PYGM: variants seen among roughly 807,000 people sequenced by gnomAD.
PYGM encodes glycogen phosphorylase, muscle form.
PYGM carries 81 observed loss-of-function variants against 99.3 expected under a neutral mutation model. The ratio of observed to expected loss-of-function variants is 0.82; its 90% confidence interval spans 0.68 to 0.98. The LOEUF (loss-of-function observed/expected upper bound fraction) is 0.98, where lower values mean the gene tolerates loss of function less well. Among genes scored for constraint, PYGM ranks in the 50% least tolerant of loss-of-function variants. The pLI, the probability that PYGM is intolerant of heterozygous loss-of-function variation, is 0.00. For synonymous variants in PYGM, 436 were observed against 451.5 expected, an observed-to-expected ratio of 0.97 and a Z score of 0.44; for missense variants, 1,030 against 1,158.1, an observed-to-expected ratio of 0.89 and a Z score of 1.61.
rs1555133248 is a variant in PYGM, at chr11:64,746,809, C to T, written c.2380-1G>A. The T allele has an allele frequency of 1.2e-6, 2 of 1,614,190 alleles. No individual in the cohort carries two copies. The highest frequency in any genetic ancestry group is 1.7e-6 in the Non-Finnish European group (2 of 1,180,024). ...CCATCCGCGTCCACTCTCTTGGGTT[C>T]TGCAGGTCAAAGGGAAGCTCTGGTT... On this transcript the variant is annotated splice_acceptor_variant, in intron 19 of 19. Coordinates refer to ENST00000164139, the MANE Select transcript of PYGM (RefSeq NM_005609.4). LOFTEE classifies it high-confidence loss of function.
rs1021120134 is a variant in PYGM at position 64,750,486 on chromosome 11, G to C, written c.2067C>G (p.Thr689=). The C allele has an allele frequency of 5.6e-6, 9 of 1,614,064 alleles. No homozygotes were observed. Among genetic ancestry groups the C allele is most frequent in the Non-Finnish European group, 7.6e-6 (9 of 1,180,044 alleles). Residue 689 remains threonine (T), a synonymous_variant, in exon 17 of 20, where the codon ACC becomes ACG. Transcript: ENST00000164139. ...NMKFMLNGAL[T]IGTMDGANVE... The stretch of plus-strand genomic sequence containing the variant: ...CATTGGCCCCGTCCATGGTGCCAAT[G>C]GTCAGAGCCCCGTTGAGCATGAACT...
At chr11:64,753,727 C>T in intron 10 of PYGM, 45 bp from the exon 11 acceptor site, 1 of 1,566,020 alleles carries the variant, frequency 6.4e-7, no homozygotes, top group Non-Finnish European at 8.6e-7. Flanking sequence ...CAGGAACCCC[C>T]ATCCCCAGTC....
Position 64,753,114 on chromosome 11 carries a change from G to T in PYGM, c.1477C>A (p.Leu493Met), listed in dbSNP as rs760721606. 1.2e-6 allele frequency: 2 copies of T among 1,613,972 alleles called. No individual in the cohort carries two copies. Among genetic ancestry groups the T allele is most frequent in the African/African-American group, 2.7e-5 (2 of 74,926 alleles). Residue 493 changes from leucine to methionine, a missense_variant, in exon 12 of 20, where the codon CTG (leucine) becomes ATG (methionine). Coordinates refer to ENST00000164139, the MANE Select transcript of PYGM (RefSeq NM_005609.4). ...GCCAGCCCGGGGTTACACAGAACCA[G>T]CCAGCGCCGAGGGGTGATGCCGTTG... ...KTNGITPRRWLVLCNPGLAEV... is the reference protein window; with the variant it reads ...KTNGITPRRWMVLCNPGLAEV...
Position 64,758,272 on chromosome 11 carries a change from T to G in PYGM, c.502A>C (p.Asn168His), listed in dbSNP as rs760531401. 134 of 1,613,782 alleles carry G rather than the reference T, an allele frequency of 8.3e-5. No homozygotes were observed. Among genetic ancestry groups the G allele is most frequent in the Non-Finnish European group, 1.1e-4 (132 of 1,179,874 alleles). Residue 168 changes from asparagine to histidine, a missense_variant, in exon 4 of 20, where the codon AAC becomes CAC. Asn to His is a moderately conservative substitution (Grantham distance 68). Coordinates refer to ENST00000164139, the MANE Select transcript of PYGM (RefSeq NM_005609.4). ...YGIRYEFGIF[N>H]QKISGGWQME... ...TGCCAGCCCCCGGAGATCTTCTGGT[T>G]AAAAATCCCAAACTCATAGCGAATC...
Position 64,754,025 on chromosome 11 carries a change from C to G in PYGM, c.1093G>C (p.Ala365Pro). The G allele has an allele frequency of 6.2e-7, 1 of 1,600,630 alleles. No individual in the cohort carries two copies. The highest frequency in any genetic ancestry group is 1.1e-5 in the South Asian group (1 of 89,210). Residue 365 changes from alanine (A) to proline (P), a missense_variant and splice_region_variant, in exon 10 of 20, where the codon GCG (alanine) becomes CCG (proline). By Grantham distance (27) the Ala-to-Pro change is conservative. Coordinates refer to ENST00000164139, the MANE Select transcript of PYGM (RefSeq NM_005609.4). The surrounding 1 kb of genome is among the most constrained non-coding windows in gnomAD (Gnocchi z 5.5). ...CAGGTCCTCACTGTCACATCCCACG[C>G]CTGGCACACGGGGTGGGCAGTCAGG... is the stretch of plus-strand genomic sequence containing the variant. ...VDLERMDWDK[A>P]WDVTVRTCAY...
At chr11:64,760,106 A>G, upstream of PYGM, 2 of 778,520 alleles carry the variant, frequency 2.6e-6, no homozygotes, top group African/African-American at 1.8e-5. Context: ...AGGAGAGGGG[A>G]GGGAGAGGTG....
rs1310457720 is a variant in PYGM, at chr11:64,754,237, G to C, written c.1092+16C>G. On this transcript the variant is annotated intron_variant, in intron 9 of 19. Transcript: ENST00000164139. The surrounding 1 kb of genome is among the most constrained non-coding windows in gnomAD (Gnocchi z 5.5). The stretch of plus-strand genomic sequence containing the variant: ...GCAGAGAGCATCAGATGGGGCAGAG[G>C]GGCCCTGAAGCCCACCTTGTCCCAG... 6.2e-7 allele frequency: 1 copy of C among 1,604,440 alleles called. No individual in the cohort carries two copies. The highest frequency in any genetic ancestry group is 1.1e-5 in the South Asian group (1 of 90,890).
chr11:64,747,574 G>A (rs1024749349), intron 17 of PYGM: 1 of 600,658 alleles, frequency 1.7e-6, no homozygotes, highest in Non-Finnish European at 2.9e-6. Context: ...GAGGCCCGGA[G>A]GATACAGAAA....
chr11:64,758,075 G>A (rs1376396065), intron 4 of PYGM, among the ~76,000 whole-genome samples, 165 bp from the exon 5 acceptor site: 2 of 152,034 alleles, frequency 1.3e-5, no homozygotes, highest in South Asian at 2.1e-4. Context: ...AGTGGGACAC[G>A]GACCACCTGT....
chr11:64,746,619 T>A lies in PYGM; in HGVS notation c.*40A>T. On this transcript the variant is annotated 3_prime_UTR_variant, in exon 20 of 20. Coordinates refer to ENST00000164139, the MANE Select transcript of PYGM (RefSeq NM_005609.4). Reference sequence around the variant, plus strand: ...GTGCTGGGGCTGGCCCAAGAGAGTGTGACAGACTCAAGGGCTGGTTTGGGG... The same window carrying A: ...GTGCTGGGGCTGGCCCAAGAGAGTGAGACAGACTCAAGGGCTGGTTTGGGG... 3 of 1,613,216 alleles carry A rather than the reference T, an allele frequency of 1.9e-6. No individual in the cohort carries two copies. Among genetic ancestry groups the A allele is most frequent in the Non-Finnish European group, 2.5e-6 (3 of 1,179,756 alleles).
Position 64,754,876 on chromosome 11 carries a change from G to A in PYGM, c.856-40C>T, listed in dbSNP as rs1347000571. The A allele has an allele frequency of 6.2e-7, 1 of 1,610,928 alleles. No homozygotes were observed. Among genetic ancestry groups the A allele is most frequent in the Non-Finnish European group, 8.5e-7 (1 of 1,179,464 alleles). On this transcript the variant is annotated intron_variant, in intron 7 of 19. Transcript: ENST00000164139. This position sits in a 1 kb window ranked among gnomAD's most constrained non-coding sequence, Gnocchi z 5.5. Reference sequence around the variant, plus strand: ...AGGCAGCGTGAGTCAGGGCGGTGGGGGCATGGCCTAAAGCTGCGGTGGGTG... The same window carrying A: ...AGGCAGCGTGAGTCAGGGCGGTGGGAGCATGGCCTAAAGCTGCGGTGGGTG...
At position 64,754,135 on chromosome 11, in the gene PYGM, C is replaced by T; in HGVS notation, c.1093-110G>A. 1.3e-6 allele frequency: 2 copies of T among 1,591,660 alleles called. No homozygotes were observed. Among genetic ancestry groups the T allele is most frequent in the East Asian group, 2.2e-5 (1 of 44,732 alleles). Reference sequence around the variant, plus strand: ...CTGCAGTGCCAGGTTCCAGGACGGTCCCTCTGGCCTCAGGCTCTGATCCCT... The same window carrying T: ...CTGCAGTGCCAGGTTCCAGGACGGTTCCTCTGGCCTCAGGCTCTGATCCCT... On this transcript the variant is annotated intron_variant, in intron 9 of 19. Coordinates refer to ENST00000164139, the MANE Select transcript of PYGM (RefSeq NM_005609.4). The surrounding 1 kb of genome is among the most constrained non-coding windows in gnomAD (Gnocchi z 5.5).
intron 18 of PYGM, 80 bp downstream of exon 18, chr11:64,747,144 G>A (rs750501828): frequency 3.1e-5 from 50 of 1,588,420 alleles, no homozygotes; most frequent in East Asian, 6.7e-5. Context: ...CAGGACCCGC[G>A]TCCGGCTTCC....
chr11:64,746,814 G>A lies in PYGM; in HGVS notation c.2380-6C>T, dbSNP rs2135822859. On this transcript the variant is annotated splice_polypyrimidine_tract_variant and splice_region_variant and intron_variant, in intron 19 of 19. Transcript: ENST00000164139. ...CGCGTCCACTCTCTTGGGTTCTGCA[G>A]GTCAAAGGGAAGCTCTGGTTCACTC... 7 of 1,614,176 alleles carry A rather than the reference G, an allele frequency of 4.3e-6. No homozygotes were observed. The highest frequency in any genetic ancestry group is 4.5e-5 in the East Asian group (2 of 44,876).
chr11:64,758,097 C>A, intron 4 of PYGM, 149 bp downstream of exon 4: 2 of 1,329,766 alleles, frequency 1.5e-6, no homozygotes, highest in South Asian at 1.2e-5. Context: ...TCAGGGGCAC[C>A]AGCTGGCTTT....
At chr11:64,753,289 C>T (rs2058369392) in intron 11 of PYGM, 102 bp from the exon 12 acceptor site, 2 of 1,270,322 alleles carry the variant, frequency 1.6e-6, no homozygotes, top group African/African-American at 2.9e-5. Context: ...GGGCCTGGGG[C>T]AGGGAATGCA....
chr11:64,746,439 T>G lies in PYGM; in HGVS notation c.*220A>C. ...TTTATTAGGGAGTGGGTGCAGTTGG[T>G]CAGACCCCATAAATAGGAGGGGACC... is the stretch of plus-strand genomic sequence containing the variant. On this transcript the variant is annotated 3_prime_UTR_variant, in exon 20 of 20. Transcript: ENST00000164139. The G allele has an allele frequency of 1.6e-6, 1 of 626,046 alleles. No individual in the cohort carries two copies. The highest frequency in any genetic ancestry group is 2.8e-6 in the Non-Finnish European group (1 of 356,272). The allele number at this position is 626,046 out of a possible 1,614,324, so 38.8% of individuals were successfully genotyped here.
chr11:64,751,812 C>T lies in PYGM; in HGVS notation c.1768+112G>A, dbSNP rs968137830. On this transcript the variant is annotated intron_variant, in intron 14 of 19. Transcript: ENST00000164139. ...CCCATCTGTGAAATGGGGATAATTC[C>T]ATGTCCCAAGAGTAGTCCCAAGTCC... 1.9e-5 allele frequency: 30 copies of T among 1,542,406 alleles called. No homozygotes were observed. The African/African-American group carries it at 2.7e-4, about 14-fold the overall frequency.
chr11:64,754,514 GGGA>G lies in PYGM; in HGVS notation c.1000-172_1000-170del. ...GTGGGAGGAATGGGGGGAGTGGGGC[GGGA>G]GGAGGAGGGAAGCCCAGGTTCTGAG... On this transcript the variant is annotated intron_variant, in intron 8 of 19. Transcript: ENST00000164139. The surrounding 1 kb of genome is among the most constrained non-coding windows in gnomAD (Gnocchi z 5.5). 3 of 1,003,056 alleles carry G rather than the reference GGGA, an allele frequency of 3.0e-6. No homozygotes were observed. The highest frequency in any genetic ancestry group is 3.0e-6 in the Non-Finnish European group (2 of 676,414). 62.1% of individuals were successfully genotyped at this position (1,003,056 alleles called of 1,614,324 possible).
Sources: gnomAD v4.1 joint callset for allele counts (sites outside exome capture counted in the v4.1 genomes callset) on GRCh38, gnomAD v4.1.1 for gene constraint, Gnocchi (gnomAD v3.1) non-coding constraint, MANE v1.5 for transcripts, NCBI Gene and HGNC (gene_info 2026-07-23, HGNC 2026-07-21) for gene names.